The following MTHFD1L variants were observed in gnomAD, a reference collection of about 807,000 sequenced individuals.
MTHFD1L encodes the protein methylenetetrahydrofolate dehydrogenase (NADP+ dependent) 1 like, also known as monofunctional C1-tetrahydrofolate synthase, mitochondrial.
MTHFD1L carries 81 observed loss-of-function variants against 119.5 expected under a neutral mutation model. The ratio of observed to expected loss-of-function variants is 0.68; its 90% CI spans 0.57 to 0.82. The LOEUF (loss-of-function observed/expected upper bound fraction) is 0.82. Ranked by LOEUF, MTHFD1L falls within the 40% of genes least tolerant of loss-of-function variation. The pLI, the probability that MTHFD1L is intolerant of heterozygous loss-of-function variation, is 0.00. For synonymous variants in MTHFD1L, 430 were observed against 475.2 expected (o/e 0.90, Z 1.24); for missense variants, 1,125 against 1,253.4 (o/e 0.90, Z 1.55).
At chr6:150,974,161 C>G (rs1776203376) in intron 20 of MTHFD1L, among the ~76,000 whole-genome samples, 1 of 152,162 alleles carries the variant, frequency 6.6e-6, no homozygotes, top group African/African-American at 2.4e-5. Flanking sequence ...CACATGAACC[C>G]TTCTCTTCCT....
chr6:151,014,420 C>T (rs1274845226), intron 22 of MTHFD1L, among the ~76,000 whole-genome samples: 1 of 152,206 alleles, frequency 6.6e-6, no homozygotes, highest in Non-Finnish European at 1.5e-5. Context: ...ATTCTTTTGT[C>T]ATGGAAGGTC....
At chr6:151,086,593 A>C (rs1793829027) in intron 26 of MTHFD1L, among the ~76,000 whole-genome samples, 1 of 152,086 alleles carries the variant, frequency 6.6e-6, no homozygotes. Context: ...ACAGTGGTGC[A>C]CATGGCTTAC....
intron 10 of MTHFD1L, among the ~76,000 whole-genome samples, chr6:150,925,528 G>A (rs899293465): frequency 6.6e-6 from 1 of 152,102 alleles, no homozygotes; most frequent in Non-Finnish European, 1.5e-5. Context: ...AGGGCACTAG[G>A]TCCTTTTACC....
chr6:151,027,366 G>A (rs957324875), intron 24 of MTHFD1L, among the ~76,000 whole-genome samples: 12 of 152,248 alleles, frequency 7.9e-5, no homozygotes, highest in South Asian at 2.1e-4. Context: ...ATGCCCTGAC[G>A]TCTTGAAAGG....
intron 27 of MTHFD1L, chr6:151,099,487 G>T: frequency 1.6e-6 from 2 of 1,231,826 alleles, no homozygotes; most frequent in Non-Finnish European, 1.2e-6. Context: ...CTTCCTCGGC[G>T]CTGCCTATGG....
chr6:151,088,623 A>ATTTTTTTTTTTTT (rs71014539), intron 26 of MTHFD1L, among the ~76,000 whole-genome samples: 1 of 128,638 alleles, frequency 7.8e-6, no homozygotes. Context: ...CACCCAGCTA[A>ATTTTTTTTTTTTT]TTTTTTTTTT....
Position 151,054,227 on chromosome 6 carries a change from A to G in MTHFD1L, c.2847+17110A>G, listed in dbSNP as rs146494848. On this transcript the variant is annotated intron_variant, in intron 26 of 27. Transcript: ENST00000367321. Reference sequence around the variant, plus strand: ...AGTAGGAAGTATTTCAGACAGAAAAAAAATGATTGCTACAACAACATCACG... The same window carrying G: ...AGTAGGAAGTATTTCAGACAGAAAAGAAATGATTGCTACAACAACATCACG... Among the ~76,000 whole-genome samples, 97 of 152,336 alleles carry G rather than the reference A, an allele frequency of 6.4e-4. 1 individual carries two copies. The highest frequency in any genetic ancestry group is 7.8e-4 in the Non-Finnish European group (53 of 68,028).
At chr6:150,914,886 G>A (rs1583528062) in intron 8 of MTHFD1L, among the ~76,000 whole-genome samples, 1 of 152,104 alleles carries the variant, frequency 6.6e-6, no homozygotes, top group East Asian at 1.9e-4. Flanking sequence ...CTCTCCTGTG[G>A]TTACTCAATC....
At chr6:150,944,702 T>G in intron 14 of MTHFD1L, 109 bp downstream of exon 14, 1 of 769,248 alleles carries the variant, frequency 1.3e-6, no homozygotes, top group Non-Finnish European at 2.1e-6. Flanking sequence ...GAAATGTTAT[T>G]CAATTCAATT....
chr6:150,981,447 G>A (rs770781188), intron 20 of MTHFD1L, among the ~76,000 whole-genome samples: 53 of 152,116 alleles, frequency 3.5e-4, no homozygotes, highest in Non-Finnish European at 4.7e-4. Flanking sequence ...AATGCCTCAC[G>A]GCACCTCATT....
At chr6:151,063,786 G>A (rs1039088494) in intron 26 of MTHFD1L, among the ~76,000 whole-genome samples, 3 of 151,952 alleles carry the variant, frequency 2.0e-5, no homozygotes, top group Admixed American at 6.6e-5. Context: ...TCAAGAATGG[G>A]ATAGGAAGAA....
rs544156778 is a variant in MTHFD1L at position 150,872,823 on chromosome 6, C to T, written c.228-3267C>T. 3.9e-4 allele frequency among the ~76,000 whole-genome samples: 59 copies of T among 151,484 alleles called. 1 individual carries two copies. In the South Asian group the frequency reaches 0.012, roughly 32 times the overall value. On this transcript the variant is annotated intron_variant, in intron 1 of 27. Transcript: ENST00000367321. ...TTTTTTTCTATCCACATCCACCCCC[C>T]AACTTTTTTTTTTTTTTTGGTAGAG...
chr6:151,099,158 A>G lies in MTHFD1L; in HGVS notation c.*32-2368A>G, dbSNP rs1312281175. On this transcript the variant is annotated intron_variant, in intron 27 of 27. Coordinates refer to ENST00000367321, the MANE Select transcript of MTHFD1L (RefSeq NM_015440.5). ...ATCGCTGCACTCCAGTGTGGGCAAC[A>G]GAGCAAGACTCCATCTCAAAAAAAA... is the stretch of plus-strand genomic sequence containing the variant. Among the ~76,000 whole-genome samples, 3 of 148,802 alleles carry G rather than the reference A, an allele frequency of 2.0e-5. 1 individual carries two copies.
At chr6:151,015,081 A>G in intron 23 of MTHFD1L, 101 bp downstream of exon 23, 1 of 925,166 alleles carries the variant, frequency 1.1e-6, no homozygotes, top group South Asian at 1.6e-5. Context: ...GCTTCATCTA[A>G]AAGTATACAG....
chr6:150,959,136 A>G (rs1796075674), intron 17 of MTHFD1L: 5 of 931,062 alleles, frequency 5.4e-6, no homozygotes, highest in Admixed American at 6.2e-5. Context: ...ATAATTGAAT[A>G]TAGTTGTATT....
chr6:150,950,911 C>T (rs998322362), intron 16 of MTHFD1L, among the ~76,000 whole-genome samples: 16 of 151,816 alleles, frequency 1.1e-4, no homozygotes, highest in Admixed American at 2.0e-4. Context: ...TCAAACGATC[C>T]GCCCACCTCA....
chr6:151,059,344 T>G (rs542038078), intron 26 of MTHFD1L, among the ~76,000 whole-genome samples: 97 of 152,092 alleles, frequency 6.4e-4, no homozygotes, highest in Non-Finnish European at 5.9e-4. Context: ...CACGCACAGC[T>G]AATTTTTGTA....
chr6:150,934,304 CA>C (rs1791680340), intron 11 of MTHFD1L, among the ~76,000 whole-genome samples: 1 of 152,242 alleles, frequency 6.6e-6, no homozygotes, highest in African/African-American at 2.4e-5. Context: ...ATCTAGTTAA[CA>C]TTTATTAATT....
chr6:151,003,103 G>C (rs1207177840), intron 20 of MTHFD1L, among the ~76,000 whole-genome samples: 1 of 152,156 alleles, frequency 6.6e-6, no homozygotes, highest in Non-Finnish European at 1.5e-5. Flanking sequence ...ATGCACTAAA[G>C]CATGAGAACA....
Sources: allele counts gnomAD v4.1 joint callset (sites outside exome capture counted in the v4.1 genomes callset), GRCh38; gene constraint gnomAD v4.1.1; transcripts MANE v1.5; gene names NCBI Gene and HGNC (gene_info 2026-07-23, HGNC 2026-07-21).